TMEM150C: variants seen among roughly 807,000 people sequenced by gnomAD.
TMEM150C encodes transmembrane protein 150C.
A neutral mutation model predicts 29.9 loss-of-function variants in TMEM150C; 10 were observed. That is an observed-to-expected ratio of 0.33 (90% confidence interval 0.21 to 0.57). TMEM150C has a LOEUF of 0.57. Among genes scored for constraint, TMEM150C ranks in the 20% least tolerant of loss-of-function variants. TMEM150C has a pLI of 0.88. For missense variants in TMEM150C, 251 were observed against 303.6 expected (o/e 0.83, Z 1.29); for synonymous variants, 101 against 112.5 (o/e 0.90, Z 0.64).
At chr4:82,515,679 G>T (rs1177531730) in intron 1 of TMEM150C, among the ~76,000 whole-genome samples, 1 of 151,696 alleles carries the variant, frequency 6.6e-6, no homozygotes, top group Non-Finnish European at 1.5e-5. Context: ...AGAGGTTGCA[G>T]CGAGCTGAGA....
At chr4:82,504,142 T>A (rs1167472374) in intron 2 of TMEM150C, among the ~76,000 whole-genome samples, 1 of 152,090 alleles carries the variant, frequency 6.6e-6, no homozygotes. Flanking sequence ...TTTAGCAAGG[T>A]TGAATTAGTA....
intron 1 of TMEM150C, among the ~76,000 whole-genome samples, chr4:82,558,918 T>C (rs1725826516): frequency 6.6e-6 from 1 of 152,166 alleles, no homozygotes; most frequent in South Asian, 2.1e-4. Context: ...CTGATGACAT[T>C]CCATCATTGT....
intron 1 of TMEM150C, among the ~76,000 whole-genome samples, chr4:82,510,731 G>A (rs768864193): frequency 5.9e-5 from 9 of 152,146 alleles, no homozygotes; most frequent in Admixed American, 6.5e-5. Flanking sequence ...CAGGAAATGA[G>A]CTTCCTGCTA....
chr4:82,518,598 C>T (rs1032353679), intron 1 of TMEM150C, among the ~76,000 whole-genome samples: 3 of 152,274 alleles, frequency 2.0e-5, no homozygotes, highest in South Asian at 2.1e-4. Flanking sequence ...TAGGGCAGGG[C>T]GGAGTTTGGG....
chr4:82,561,889 G>C lies in TMEM150C; in HGVS notation c.-11+17C>G. On this transcript the variant is annotated intron_variant, in intron 1 of 7. Transcript: ENST00000449862. ...CTGCGCGACGGGCCCAGGCAGGGGA[G>C]GGGGCGCCGCGCCTACCTGCTCTGG... 1 of 992,250 alleles carries C rather than the reference G, an allele frequency of 1.0e-6. No individual in the cohort carries two copies. The highest frequency in any genetic ancestry group is 1.2e-6 in the Non-Finnish European group (1 of 834,294). The allele number at this position is 992,250 out of a possible 1,614,324, so 61.5% of individuals were successfully genotyped here.
chr4:82,516,732 A>C (rs1724307404), intron 1 of TMEM150C, among the ~76,000 whole-genome samples: 1 of 152,234 alleles, frequency 6.6e-6, no homozygotes, highest in Non-Finnish European at 1.5e-5. Flanking sequence ...CTCAGTCAGA[A>C]ACCTGACAGA....
At chr4:82,504,491 G>A (rs572105760) in intron 2 of TMEM150C, 87 bp downstream of exon 2, 25 of 1,073,926 alleles carry the variant, frequency 2.3e-5, no homozygotes, top group East Asian at 5.6e-5. Context: ...ATGAGCCACC[G>A]TGCCCGGCTG....
At chr4:82,539,152 ATT>A (rs1282081762) in intron 1 of TMEM150C, among the ~76,000 whole-genome samples, 5 of 152,186 alleles carry the variant, frequency 3.3e-5, no homozygotes, top group Non-Finnish European at 7.4e-5. Context: ...GAATAAAAAG[ATT>A]TTATAATGAG....
At chr4:82,551,549 T>C (rs74952615) in intron 1 of TMEM150C, among the ~76,000 whole-genome samples, 2 of 152,178 alleles carry the variant, frequency 1.3e-5, no homozygotes, top group South Asian at 4.1e-4. Flanking sequence ...TGTTCAGACT[T>C]AGGGACAGAA....
At chr4:82,489,934 G>T in intron 7 of TMEM150C, 127 bp downstream of exon 7, 1 of 939,050 alleles carries the variant, frequency 1.1e-6, no homozygotes, top group Non-Finnish European at 1.6e-6. Flanking sequence ...TTTTATACCT[G>T]TTTACCTTTG....
rs540290257 is a variant in TMEM150C, at chr4:82,509,061, C to A, written c.-10-4394G>T. 1.3e-4 allele frequency among the ~76,000 whole-genome samples: 20 copies of A among 152,300 alleles called. No individual in the cohort carries two copies. In the East Asian group the frequency reaches 3.9e-3, roughly 29 times the overall value. On this transcript the variant is annotated intron_variant, in intron 1 of 7. Transcript: ENST00000449862. ...CAGATGGTCAACTCTTCCTAAAGAGCCAATACTGCAAACTCTCTGTATATT... is the reference window on the plus strand; with the variant it reads ...CAGATGGTCAACTCTTCCTAAAGAGACAATACTGCAAACTCTCTGTATATT...
chr4:82,490,134 G>C lies in TMEM150C; in HGVS notation c.468C>G (p.Ile156Met). Residue 156 changes from isoleucine (I) to methionine (M), a missense_variant, in exon 7 of 8, where the codon ATC becomes ATG. Coordinates refer to ENST00000449862, the MANE Select transcript of TMEM150C (RefSeq NM_001080506.3). The part of the protein sequence containing the change: ...IQAALTLKVN[I>M]KNEGRRVGIP... ...TTCCAACTCTCCGTCCTTCATTCTT[G>C]ATGTTGACCTTGAGTGTCAGCGCAG... 1 of 1,614,012 alleles carries C rather than the reference G, an allele frequency of 6.2e-7. No homozygotes were observed. The highest frequency in any genetic ancestry group is 8.5e-7 in the Non-Finnish European group (1 of 1,179,884).
chr4:82,536,013 C>T (rs116100879), intron 1 of TMEM150C, among the ~76,000 whole-genome samples: 7,306 of 151,692 alleles, frequency 0.048, 605 homozygotes, highest in African/African-American at 0.17. Flanking sequence ...TGGGGAGGGG[C>T]AAAAATCACC....
chr4:82,495,929 A>G (rs896602687), intron 6 of TMEM150C, 139 bp downstream of exon 6: 1 of 1,097,214 alleles, frequency 9.1e-7, no homozygotes, highest in South Asian at 1.7e-5. Flanking sequence ...TTGCCATGGA[A>G]AAGAGTCCTA....
intron 1 of TMEM150C, among the ~76,000 whole-genome samples, chr4:82,537,206 C>T (rs1578148555): frequency 6.6e-6 from 1 of 152,070 alleles, no homozygotes; most frequent in Non-Finnish European, 1.5e-5. Flanking sequence ...AGGATGGTCT[C>T]GATCTCCTGA....
intron 1 of TMEM150C, among the ~76,000 whole-genome samples, chr4:82,561,123 G>C (rs1284503773): frequency 3.9e-5 from 6 of 152,184 alleles, no homozygotes; most frequent in Admixed American, 3.3e-4. Context: ...AAAGGAGCAT[G>C]AATTTAAAAT....
chr4:82,531,754 CA>C (rs757992713), intron 1 of TMEM150C, among the ~76,000 whole-genome samples: 5,677 of 61,998 alleles, frequency 0.092, 34 homozygotes, highest in East Asian at 0.18. Context: ...GACTCTGTCT[CA>C]AAAAAAAAAA....
intron 1 of TMEM150C, among the ~76,000 whole-genome samples, chr4:82,536,918 AC>A (rs1198708022): frequency 6.6e-6 from 1 of 152,202 alleles, no homozygotes; most frequent in East Asian, 1.9e-4. Flanking sequence ...CAAAGATTTT[AC>A]ATTAGAAGAA....
intron 1 of TMEM150C, among the ~76,000 whole-genome samples, chr4:82,534,153 G>A (rs1724936118): frequency 6.6e-6 from 1 of 152,132 alleles, no homozygotes; most frequent in African/African-American, 2.4e-5. Flanking sequence ...ATTAAGGGTG[G>A]GTTCTATTAG....
Sources: gnomAD v4.1 joint callset for allele counts (sites outside exome capture counted in the v4.1 genomes callset) on GRCh38, gnomAD v4.1.1 for gene constraint, MANE v1.5 for transcripts, NCBI Gene and HGNC (gene_info 2026-07-23, HGNC 2026-07-21) for gene names.